MARK2: variants seen among roughly 807,000 people sequenced by gnomAD.
The protein encoded by MARK2 is microtubule affinity regulating kinase 2, also known as serine/threonine-protein kinase MARK2.
A neutral mutation model predicts 89.8 loss-of-function variants in MARK2; 16 were observed. The observed-to-expected ratio is 0.18, with a 90% confidence interval of 0.12 to 0.27. MARK2 has a LOEUF of 0.27. Ranked by LOEUF, MARK2 falls within the 10% of genes least tolerant of loss-of-function variation. MARK2 has a pLI of 1.00. For synonymous variants in MARK2, 382 were observed against 399.5 expected (o/e 0.96, Z 0.52); for missense variants, 621 against 1,049.9 (o/e 0.59, Z 5.65).
chr11:63,845,941 T>A (rs1207211947), intron 1 of MARK2, among the ~76,000 whole-genome samples: 1 of 152,168 alleles, frequency 6.6e-6, no homozygotes, highest in East Asian at 1.9e-4. Context: ...CAGGCTGGTC[T>A]TGAACTCCTG....
At chr11:63,880,449 G>A (rs1467930254) in intron 1 of MARK2, among the ~76,000 whole-genome samples, 1 of 152,170 alleles carries the variant, frequency 6.6e-6, no homozygotes, top group Non-Finnish European at 1.5e-5. Context: ...AGAACTCTTA[G>A]TGTGGCAAAC....
intron 1 of MARK2, among the ~76,000 whole-genome samples, chr11:63,867,923 G>A (rs1938224582): frequency 6.6e-6 from 1 of 152,062 alleles, no homozygotes; most frequent in Non-Finnish European, 1.5e-5. Context: ...CGTGGATTTG[G>A]GTCCCACACT....
At chr11:63,878,530 C>T (rs1384212780) in intron 1 of MARK2, among the ~76,000 whole-genome samples, 1 of 151,834 alleles carries the variant, frequency 6.6e-6, no homozygotes, top group African/African-American at 2.4e-5. Flanking sequence ...CCACCACGCC[C>T]GGCTAATTTT....
In MARK2 at chr11:63,910,135, G is replaced by C. The variant is rs1264546831; in HGVS notation, c.*898G>C. On this transcript the variant is annotated 3_prime_UTR_variant, in exon 19 of 19. Transcript: ENST00000402010. ...TTCTCGGTCCCCAGGGGGCCGCTTG[G>C]GCTGTTGGTCTCCAGAGCAGGGCCA... 1 of 152,384 alleles carries C rather than the reference G, an allele frequency of 6.6e-6. No homozygotes were observed. The highest frequency in any genetic ancestry group is 2.1e-4 in the South Asian group (1 of 4,836). 9.4% of individuals were successfully genotyped at this position (152,384 alleles called of 1,614,324 possible). A position where few individuals can be genotyped will look rare whatever the true frequency, so the allele number is the denominator to read the frequency against.
At chr11:63,848,109 C>G (rs1463111592) in intron 1 of MARK2, among the ~76,000 whole-genome samples, 1 of 152,182 alleles carries the variant, frequency 6.6e-6, no homozygotes, top group African/African-American at 2.4e-5. Context: ...TGCAATAGCA[C>G]TAGGAAGTCT....
intron 1 of MARK2, among the ~76,000 whole-genome samples, chr11:63,852,483 C>G (rs1590972031): frequency 6.6e-6 from 1 of 151,720 alleles, no homozygotes; most frequent in South Asian, 2.1e-4. Context: ...GCACTTTATT[C>G]TAAAATAGAA....
Position 63,847,691 on chromosome 11 carries a change from G to A in MARK2, c.54+8131G>A, listed in dbSNP as rs572649575. Among the ~76,000 whole-genome samples, 3 of 152,332 alleles carry A rather than the reference G, an allele frequency of 2.0e-5. 1 individual carries two copies. The South Asian group carries it at 6.2e-4, about 32-fold the overall frequency. On this transcript the variant is annotated intron_variant, in intron 1 of 18. Transcript: ENST00000402010. ...TGAGCTGGTCCTTCACTCCAGGGAGGAGGCTTTCTCTCCACCCTATGCTGA... is the reference window on the plus strand; with the variant it reads ...TGAGCTGGTCCTTCACTCCAGGGAGAAGGCTTTCTCTCCACCCTATGCTGA...
At chr11:63,854,350 C>T (rs535491511) in intron 1 of MARK2, among the ~76,000 whole-genome samples, 6 of 151,346 alleles carry the variant, frequency 4.0e-5, no homozygotes, top group African/African-American at 1.5e-4. Flanking sequence ...CAGGTCCGCA[C>T]CACCACGCCT....
Position 63,907,183 on chromosome 11 carries a change from T to A in MARK2, c.1961+1069T>A, listed in dbSNP as rs1190996202. Among the ~76,000 whole-genome samples, 3 of 151,890 alleles carry A rather than the reference T, an allele frequency of 2.0e-5. 1 individual carries two copies. Among genetic ancestry groups the A allele is most frequent in the South Asian group, 2.1e-4 (1 of 4,812 alleles). On this transcript the variant is annotated intron_variant, in intron 17 of 18. Coordinates refer to ENST00000402010, the MANE Select transcript of MARK2 (RefSeq NM_001039469.3). ...GGGACTGGGATGCCTGGCAGGCACA[T>A]TGGTGCCACAGCTGATGGAGGAACG...
At chr11:63,871,698 G>T (rs1205518394) in intron 1 of MARK2, among the ~76,000 whole-genome samples, 1 of 108,888 alleles carries the variant, frequency 9.2e-6, no homozygotes, top group African/African-American at 3.7e-5. Flanking sequence ...TGTGGGTGAA[G>T]AGTATTCACA....
chr11:63,892,589 T>G (rs1939962691), intron 1 of MARK2, among the ~76,000 whole-genome samples: 1 of 152,176 alleles, frequency 6.6e-6, no homozygotes, highest in Admixed American at 6.6e-5. Context: ...CCTTGAAGTT[T>G]CCAAGGCAGC....
Position 63,900,715 on chromosome 11 carries a change from G to T in MARK2, c.888+37G>T. The T allele has an allele frequency of 6.2e-7, 1 of 1,613,748 alleles. No individual in the cohort carries two copies. Among genetic ancestry groups the T allele is most frequent in the Non-Finnish European group, 8.5e-7 (1 of 1,179,664 alleles). On this transcript the variant is annotated intron_variant, in intron 9 of 18. Coordinates refer to ENST00000402010, the MANE Select transcript of MARK2 (RefSeq NM_001039469.3). This position sits in a 1 kb window ranked among gnomAD's most constrained non-coding sequence, Gnocchi z 4.7. The stretch of plus-strand genomic sequence containing the variant: ...AGCCCAACTGGCGGAAGGGCCTGGG[G>T]TCCCCACAGAAACTTTCCAGCTGAG...
In MARK2 at chr11:63,892,726, A is replaced by ATTT. The variant is rs11412283; in HGVS notation, c.55-2417_55-2415dup. ...AATCAGGAGTTAGACCAGACTCTGC[A>ATTT]TTTTTTTTTTTTTTTTTTGAGACAG... On this transcript the variant is annotated intron_variant, in intron 1 of 18. Transcript: ENST00000402010. 9.2e-3 allele frequency among the ~76,000 whole-genome samples: 1,118 copies of ATTT among 122,068 alleles called. 38 individuals carry two copies. Among genetic ancestry groups the ATTT allele is most frequent in the East Asian group, 0.029 (125 of 4,250 alleles). The allele number at this position is 122,068 out of a possible 152,430, so 80.1% of individuals were successfully genotyped here. A position where few individuals can be genotyped will look rare whatever the true frequency, so the allele number is the denominator to read the frequency against.
Position 63,901,039 on chromosome 11 carries a change from C to G in MARK2, c.1071C>G (p.Thr357=). 6.2e-7 allele frequency: 1 copy of G among 1,613,940 alleles called. No individual in the cohort carries two copies. The highest frequency in any genetic ancestry group is 8.5e-7 in the Non-Finnish European group (1 of 1,179,800). The change falls in exon 11 of 19, where the codon ACC becomes ACG. Residue 357 remains threonine (T), a synonymous_variant. Coordinates refer to ENST00000402010, the MANE Select transcript of MARK2 (RefSeq NM_001039469.3). Reference sequence around the variant, plus strand: ...AGAGATACAACGAGGTGATGGCCACCTATCTGCTCCTGGGCTACAAGAGCT... The same window carrying G: ...AGAGATACAACGAGGTGATGGCCACGTATCTGCTCCTGGGCTACAAGAGCT... ...VGQRYNEVMA[T]YLLLGYKSSE...
chr11:63,866,910 T>A (rs116412478), intron 1 of MARK2, among the ~76,000 whole-genome samples: 434 of 152,354 alleles, frequency 2.8e-3, no homozygotes, highest in African/African-American at 9.9e-3. Flanking sequence ...TAGAATCTTC[T>A]GTCTGTCTAG....
chr11:63,882,972 C>T (rs896811224), intron 1 of MARK2, among the ~76,000 whole-genome samples: 1 of 152,228 alleles, frequency 6.6e-6, no homozygotes, highest in Non-Finnish European at 1.5e-5. Flanking sequence ...CTACCCCCAC[C>T]ACCCCCATCC....
At chr11:63,859,867 T>TGATC (rs1246837956) in intron 1 of MARK2, among the ~76,000 whole-genome samples, 1 of 152,230 alleles carries the variant, frequency 6.6e-6, no homozygotes, top group Non-Finnish European at 1.5e-5. Flanking sequence ...CTTGACCTGG[T>TGATC]GATCCACCTG....
chr11:63,869,633 T>C (rs1439642756), intron 1 of MARK2, among the ~76,000 whole-genome samples: 1 of 152,206 alleles, frequency 6.6e-6, no homozygotes, highest in Non-Finnish European at 1.5e-5. Context: ...GTCATGTTTC[T>C]GAGGTGTGCT....
intron 7 of MARK2, among the ~76,000 whole-genome samples, chr11:63,899,574 G>A (rs1940700846): frequency 6.6e-6 from 1 of 152,212 alleles, no homozygotes. Flanking sequence ...TGGCTGCTGA[G>A]TCCTCACAGA....
Sources: allele counts gnomAD v4.1 joint callset (sites outside exome capture counted in the v4.1 genomes callset), GRCh38; gene constraint gnomAD v4.1.1; non-coding constraint Gnocchi (gnomAD v3.1); transcripts MANE v1.5; gene names NCBI Gene and HGNC (gene_info 2026-07-23, HGNC 2026-07-21).